The following KCNK13 variants were observed in gnomAD, a reference collection of about 807,000 sequenced individuals.
The protein encoded by KCNK13 is potassium two pore domain channel subfamily K member 13.
A neutral mutation model predicts 23.4 loss-of-function variants in KCNK13; 12 were observed. The observed-to-expected ratio is 0.51, with a 90% CI of 0.33 to 0.83. The LOEUF (loss-of-function observed/expected upper bound fraction) is 0.83. Ranked by LOEUF, KCNK13 falls within the 40% of genes least tolerant of loss-of-function variation. The probability of loss-of-function intolerance (pLI) is 0.02; values close to 1 mark genes in which losing one functional copy is unlikely to be tolerated. For missense variants in KCNK13, 463 were observed against 556.3 expected, an observed-to-expected ratio of 0.83 and a Z score of 1.69; for synonymous variants, 231 against 229.5, an observed-to-expected ratio of 1.01 and a Z score of -0.06.
At chr14:90,121,522 T>C (rs754367887) in intron 1 of KCNK13, among the ~76,000 whole-genome samples, 1 of 152,196 alleles carries the variant, frequency 6.6e-6, no homozygotes, top group Non-Finnish European at 1.5e-5. Flanking sequence ...CTGGGTCCTG[T>C]TTCTGTTCTT....
chr14:90,122,161 T>C (rs938494405), intron 1 of KCNK13, among the ~76,000 whole-genome samples: 6 of 152,176 alleles, frequency 3.9e-5, no homozygotes, highest in African/African-American at 1.4e-4. Context: ...ACTGGACATT[T>C]AGATTTTCAC....
intron 1 of KCNK13, among the ~76,000 whole-genome samples, chr14:90,107,477 C>CA (rs34248332): frequency 1.3e-5 from 2 of 151,814 alleles, no homozygotes; most frequent in Non-Finnish European, 2.9e-5. Flanking sequence ...GACTCCGTCT[C>CA]AAAAAAATAT....
intron 1 of KCNK13, among the ~76,000 whole-genome samples, chr14:90,116,817 G>A (rs376330512): frequency 6.6e-5 from 10 of 152,268 alleles, no homozygotes; most frequent in African/African-American, 2.4e-4. Flanking sequence ...CTCCTACTGG[G>A]AGATATTACC....
rs147391333 is a variant in KCNK13 at position 90,080,478 on chromosome 14, A to T, written c.334+17939A>T. 6.6e-5 allele frequency among the ~76,000 whole-genome samples: 10 copies of T among 152,226 alleles called. No individual in the cohort carries two copies. The South Asian group carries it at 8.3e-4, about 13-fold the overall frequency. ...CTCAAATAAATAAATAAATACATTT[A>T]AAAAATTGGAAAAAAAGAAGTATGA... On this transcript the variant is annotated intron_variant, in intron 1 of 1. Coordinates refer to ENST00000282146, the MANE Select transcript of KCNK13 (RefSeq NM_022054.4).
intron 1 of KCNK13, among the ~76,000 whole-genome samples, chr14:90,091,298 G>A (rs1336143664): frequency 6.6e-6 from 1 of 152,126 alleles, no homozygotes; most frequent in East Asian, 1.9e-4. Flanking sequence ...CAATCAGTAG[G>A]CGCAAGAGCT....
chr14:90,167,197 A>G (rs1890313612), intron 1 of KCNK13, among the ~76,000 whole-genome samples: 1 of 152,154 alleles, frequency 6.6e-6, no homozygotes, highest in Non-Finnish European at 1.5e-5. Flanking sequence ...TGTCCTCATT[A>G]TGGCACAATT....
intron 1 of KCNK13, among the ~76,000 whole-genome samples, chr14:90,087,117 CATATATATATACATATATATAT>C (rs1398141283): frequency 8.0e-6 from 1 of 125,680 alleles, no homozygotes; most frequent in African/African-American, 3.0e-5. Flanking sequence ...TATATATATA[CATATATATATACATATATATAT>C]ATATATATAT....
chr14:90,076,474 C>T (rs1005257368), intron 1 of KCNK13, among the ~76,000 whole-genome samples: 4 of 152,182 alleles, frequency 2.6e-5, no homozygotes, highest in Admixed American at 2.0e-4. Context: ...CTTTCTGGGA[C>T]AATTCCAATA....
At chr14:90,152,676 T>TACATG (rs1890149505) in intron 1 of KCNK13, among the ~76,000 whole-genome samples, 1 of 152,184 alleles carries the variant, frequency 6.6e-6, no homozygotes, top group Non-Finnish European at 1.5e-5. Context: ...TTATTAGCAG[T>TACATG]GTGAGAATGG....
intron 1 of KCNK13, among the ~76,000 whole-genome samples, chr14:90,125,372 C>T (rs7155780): frequency 0.042 from 6,355 of 151,760 alleles, 264 homozygotes; most frequent in African/African-American, 0.11. Flanking sequence ...TACAGGCGCC[C>T]GCCACCACAC....
intron 1 of KCNK13, among the ~76,000 whole-genome samples, chr14:90,078,981 C>G (rs1889175693): frequency 6.6e-6 from 1 of 152,202 alleles, no homozygotes; most frequent in Non-Finnish European, 1.5e-5. Context: ...AGCGAAAGCA[C>G]ACAGGGTTTT....
intron 1 of KCNK13, among the ~76,000 whole-genome samples, chr14:90,166,868 C>A (rs79979244): frequency 0.017 from 2,576 of 152,212 alleles, 74 homozygotes; most frequent in African/African-American, 0.059. Context: ...CACACACACA[C>A]CCAAATCACA....
At chr14:90,102,269 A>G (rs1889491337) in intron 1 of KCNK13, among the ~76,000 whole-genome samples, 1 of 152,232 alleles carries the variant, frequency 6.6e-6, no homozygotes, top group Non-Finnish European at 1.5e-5. Context: ...CCTTTAAGGC[A>G]GAATGTACAG....
At chr14:90,159,794 G>T (rs1890232413) in intron 1 of KCNK13, among the ~76,000 whole-genome samples, 1 of 152,152 alleles carries the variant, frequency 6.6e-6, no homozygotes, top group African/African-American at 2.4e-5. Context: ...TTTGCTTAAG[G>T]TTAGAATAAT....
chr14:90,133,328 G>A (rs895406688), intron 1 of KCNK13, among the ~76,000 whole-genome samples: 1 of 152,092 alleles, frequency 6.6e-6, no homozygotes, highest in East Asian at 1.9e-4. Context: ...TGTCCACAAC[G>A]GATAAATCTC....
chr14:90,092,166 C>T (rs1021705986), intron 1 of KCNK13, among the ~76,000 whole-genome samples: 3 of 152,182 alleles, frequency 2.0e-5, no homozygotes, highest in African/African-American at 7.2e-5. Flanking sequence ...TCGTGATCTG[C>T]CCGCCTTGGC....
chr14:90,117,280 C>T (rs543754961), intron 1 of KCNK13, among the ~76,000 whole-genome samples: 22 of 152,122 alleles, frequency 1.4e-4, no homozygotes, highest in South Asian at 2.1e-4. Flanking sequence ...CTCCTTAGAA[C>T]GGCACTCAAT....
chr14:90,101,575 G>A (rs1889477322), intron 1 of KCNK13, among the ~76,000 whole-genome samples: 1 of 151,776 alleles, frequency 6.6e-6, no homozygotes, highest in African/African-American at 2.4e-5. Context: ...GATTGCCTGA[G>A]CTCAGGAGTT....
At chr14:90,182,806 G>C (rs1890502690) in intron 1 of KCNK13, among the ~76,000 whole-genome samples, 1 of 148,576 alleles carries the variant, frequency 6.7e-6, no homozygotes, top group African/African-American at 2.5e-5. Context: ...GTGGGACAGA[G>C]AGCAAGATCC....
Sources: allele counts gnomAD v4.1 joint callset (sites outside exome capture counted in the v4.1 genomes callset), GRCh38; gene constraint gnomAD v4.1.1; transcripts MANE v1.5; gene names NCBI Gene and HGNC (gene_info 2026-07-23, HGNC 2026-07-21).